Variants in AHCYL2 observed in about 807,000 individuals in gnomAD.
The protein encoded by AHCYL2 is S-adenosylhomocysteine hydrolase-like protein 2.
A neutral mutation model predicts 81.4 loss-of-function variants in AHCYL2; 28 were observed. That is an observed-to-expected ratio of 0.34 (90% confidence interval 0.25 to 0.47). AHCYL2 has a LOEUF of 0.47. Ranked by LOEUF, AHCYL2 falls within the 20% of genes least tolerant of loss-of-function variation. AHCYL2 has a pLI of 1.00. For missense variants in AHCYL2, 551 were observed against 785.1 expected (o/e 0.70, Z 3.56); for synonymous variants, 272 against 290.2 (o/e 0.94, Z 0.64).
intron 1 of AHCYL2, among the ~76,000 whole-genome samples, chr7:129,238,424 G>T (rs976918971): frequency 6.6e-6 from 1 of 152,260 alleles, no homozygotes; most frequent in East Asian, 1.9e-4. Context: ...CTAATACATT[G>T]TGAGCTTCTT....
At chr7:129,316,219 T>A (rs1797820947) in intron 1 of AHCYL2, among the ~76,000 whole-genome samples, 1 of 152,174 alleles carries the variant, frequency 6.6e-6, no homozygotes, top group African/African-American at 2.4e-5. Context: ...AGAGCAACTG[T>A]AGTGCTGAGG....
chr7:129,382,582 AGAGT>A (rs1486908029), intron 2 of AHCYL2, among the ~76,000 whole-genome samples: 1 of 151,844 alleles, frequency 6.6e-6, no homozygotes, highest in African/African-American at 2.4e-5. Flanking sequence ...CCTGGGCAAT[AGAGT>A]GAGACTTTTT....
Position 129,397,232 on chromosome 7 carries a change from A to G in AHCYL2, c.731A>G (p.Glu244Gly), listed in dbSNP as rs1795787388. 4 of 1,613,792 alleles carry G rather than the reference A, an allele frequency of 2.5e-6. No individual in the cohort carries two copies. Among genetic ancestry groups the G allele is most frequent in the Non-Finnish European group, 3.4e-6 (4 of 1,179,978 alleles). ...HITAQTAVLMETLGALGAQCR... is the reference protein window; with the variant it reads ...HITAQTAVLMGTLGALGAQCR... ...TTGTCTTTAATACAGGTGCTTATGGAAACTCTGGGTGCTCTGGGGGCCCAG... is the reference window on the plus strand; with the variant it reads ...TTGTCTTTAATACAGGTGCTTATGGGAACTCTGGGTGCTCTGGGGGCCCAG... The change falls in exon 5 of 17, where the codon GAA (glutamate) becomes GGA (glycine). Residue 244 changes from glutamate to glycine, a missense_variant. By Grantham distance (98) the Glu-to-Gly change is moderately conservative. Coordinates refer to ENST00000325006, the MANE Select transcript of AHCYL2 (RefSeq NM_015328.4).
rs1049769066 is a variant in AHCYL2, at chr7:129,379,849, T to C, written c.475+100T>C. 5 of 843,534 alleles carry C rather than the reference T, an allele frequency of 5.9e-6. No individual in the cohort carries two copies. The Admixed American group carries it at 1.6e-4, about 27-fold the overall frequency. The allele number at this position is 843,534 out of a possible 1,614,324, so 52.3% of individuals were successfully genotyped here. ...AAGGCTAATTAAGCATGACCAAGAC[T>C]GTGCTTTGAATAAATACTTCGAGTC... On this transcript the variant is annotated intron_variant, in intron 2 of 16. Transcript: ENST00000325006.
At chr7:129,364,517 C>T (rs1244913057) in intron 1 of AHCYL2, among the ~76,000 whole-genome samples, 1 of 152,196 alleles carries the variant, frequency 6.6e-6, no homozygotes, top group African/African-American at 2.4e-5. Flanking sequence ...TCTCGATCTC[C>T]TGACTTCAGG....
rs75305879 is a variant in AHCYL2 at position 129,248,620 on chromosome 7, ATT to A, written c.363+23195_363+23196del. 1.7e-4 allele frequency among the ~76,000 whole-genome samples: 17 copies of A among 100,782 alleles called. No individual in the cohort carries two copies. In the East Asian group the frequency reaches 3.9e-3, roughly 23 times the overall value. The allele number at this position is 100,782 out of a possible 152,430, so 66.1% of individuals were successfully genotyped here. On this transcript the variant is annotated intron_variant, in intron 1 of 16. Coordinates refer to ENST00000325006, the MANE Select transcript of AHCYL2 (RefSeq NM_015328.4). ...TTGGGTAGTATAAATCCTGGATACT[ATT>A]TTTTTTTTTTTTTCAAAATTATTTT...
intron 1 of AHCYL2, among the ~76,000 whole-genome samples, chr7:129,229,144 C>T (rs1011524416): frequency 3.3e-5 from 5 of 151,670 alleles, no homozygotes; most frequent in East Asian, 1.9e-4. Flanking sequence ...CTCAGCTCAC[C>T]GCAACCTCCG....
intron 13 of AHCYL2, 83 bp from the exon 14 acceptor site, chr7:129,424,791 G>C: frequency 7.0e-7 from 1 of 1,434,322 alleles, no homozygotes; most frequent in Non-Finnish European, 9.8e-7. Context: ...TTTGGAAAAT[G>C]GTGGTCATGC....
chr7:129,243,873 A>G (rs1438317134), intron 1 of AHCYL2, among the ~76,000 whole-genome samples: 2 of 152,102 alleles, frequency 1.3e-5, no homozygotes, highest in Non-Finnish European at 2.9e-5. Flanking sequence ...GATTACAGGC[A>G]TGAGCCACCA....
At chr7:129,372,907 A>G (rs1794479933) in intron 1 of AHCYL2, among the ~76,000 whole-genome samples, 2 of 152,178 alleles carry the variant, frequency 1.3e-5, no homozygotes, top group Non-Finnish European at 2.9e-5. Flanking sequence ...ACGTGCCTCC[A>G]TGGTTATAGC....
rs1218684575 is a variant in AHCYL2, at chr7:129,419,102, T to A, written c.1462-3738T>A. ...CCTTGAGATGTTGCCTGTTGCATAT[T>A]TAAGAAGGAGTAGCTCATCAAAAGA... On this transcript the variant is annotated intron_variant, in intron 12 of 16. Coordinates refer to ENST00000325006, the MANE Select transcript of AHCYL2 (RefSeq NM_015328.4). The surrounding 1 kb of genome is among the most constrained non-coding windows in gnomAD (Gnocchi z 4.7). Among the ~76,000 whole-genome samples, 1 of 152,220 alleles carries A rather than the reference T, an allele frequency of 6.6e-6. No individual in the cohort carries two copies.
chr7:129,359,018 A>G (rs1793841507), intron 1 of AHCYL2, among the ~76,000 whole-genome samples: 1 of 152,202 alleles, frequency 6.6e-6, no homozygotes, highest in Non-Finnish European at 1.5e-5. Flanking sequence ...TATCCGTAGA[A>G]ATATTTTCAT....
intron 13 of AHCYL2, among the ~76,000 whole-genome samples, chr7:129,424,066 A>G (rs973325833): frequency 6.6e-6 from 1 of 152,114 alleles, no homozygotes; most frequent in Non-Finnish European, 1.5e-5. Flanking sequence ...ATAGGAAACA[A>G]AATAGGAAAG....
intron 10 of AHCYL2, 40 bp from the exon 11 acceptor site, chr7:129,409,436 C>A: frequency 1.3e-6 from 2 of 1,557,380 alleles, no homozygotes; most frequent in Non-Finnish European, 1.8e-6. Flanking sequence ...GGCTCCCCAG[C>A]TGCCTGTTTA....
chr7:129,305,473 C>CA (rs535706300), intron 1 of AHCYL2, among the ~76,000 whole-genome samples: 216 of 151,224 alleles, frequency 1.4e-3, no homozygotes, highest in Non-Finnish European at 2.6e-3. Flanking sequence ...AACAAACAAA[C>CA]AAACAAAAAA....
chr7:129,408,672 T>C (rs1179132855), intron 10 of AHCYL2, among the ~76,000 whole-genome samples: 2 of 152,112 alleles, frequency 1.3e-5, no homozygotes, highest in Admixed American at 6.6e-5. Context: ...AATGTAAAAA[T>C]CAGCCATCTA....
intron 1 of AHCYL2, among the ~76,000 whole-genome samples, chr7:129,294,597 G>C (rs1403421711): frequency 6.6e-6 from 1 of 151,994 alleles, no homozygotes; most frequent in Non-Finnish European, 1.5e-5. Context: ...AATCCATATC[G>C]GTCTCTAAAT....
chr7:129,407,741 G>A (rs2150943220), intron 10 of AHCYL2, among the ~76,000 whole-genome samples: 1 of 152,324 alleles, frequency 6.6e-6, no homozygotes, highest in East Asian at 1.9e-4. Context: ...ATGAGATAAG[G>A]TCCTGCTTTT....
rs71162592 is a variant in AHCYL2 at position 129,299,369 on chromosome 7, G to GTTTTTTTTTTT, written c.363+73962_363+73972dup. ...AGGCTGAGGTGGGAGAGTCCAACTT[G>GTTTTTTTTTTT]TTTTTTTTTTTTTTTTTTTTTTTTT... On this transcript the variant is annotated intron_variant, in intron 1 of 16. Coordinates refer to ENST00000325006, the MANE Select transcript of AHCYL2 (RefSeq NM_015328.4). 5.6e-4 allele frequency among the ~76,000 whole-genome samples: 26 copies of GTTTTTTTTTTT among 46,306 alleles called. 3 individuals carry two copies. The highest frequency in any genetic ancestry group is 1.8e-3 in the East Asian group (2 of 1,104). 30.4% of individuals were successfully genotyped at this position (46,306 alleles called of 152,430 possible).
Sources: allele counts gnomAD v4.1 joint callset (sites outside exome capture counted in the v4.1 genomes callset), GRCh38; gene constraint gnomAD v4.1.1; non-coding constraint Gnocchi (gnomAD v3.1); transcripts MANE v1.5; gene names NCBI Gene and HGNC (gene_info 2026-07-23, HGNC 2026-07-21).